Variants in ZBTB20 observed in about 807,000 individuals in gnomAD.
The protein encoded by ZBTB20 is zinc finger and BTB domain-containing protein 20.
ZBTB20 carries 9 observed loss-of-function variants against 56.9 expected under a neutral mutation model. That is an observed-to-expected ratio of 0.16 (90% confidence interval 0.10 to 0.28). The LOEUF (loss-of-function observed/expected upper bound fraction) is 0.28. Among genes scored for constraint, ZBTB20 ranks in the 10% least tolerant of loss-of-function variants. The pLI, the probability that ZBTB20 is intolerant of heterozygous loss-of-function variation, is 1.00. For synonymous variants in ZBTB20, 417 were observed against 420.7 expected, an observed-to-expected ratio of 0.99 and a Z score of 0.11; for missense variants, 655 against 1,003.0, an observed-to-expected ratio of 0.65 and a Z score of 4.69.
At chr3:114,918,278 G>C (rs1205353652) in intron 3 of ZBTB20, among the ~76,000 whole-genome samples, 2 of 152,042 alleles carry the variant, frequency 1.3e-5, no homozygotes, top group Non-Finnish European at 2.9e-5. Flanking sequence ...CTCTAGCCTA[G>C]GGAAACTCCC....
At chr3:114,724,533 C>A (rs552860007) in intron 5 of ZBTB20, among the ~76,000 whole-genome samples, 4 of 152,316 alleles carry the variant, frequency 2.6e-5, no homozygotes, top group Admixed American at 2.0e-4. Flanking sequence ...TAGGGTCAAA[C>A]TGAATTCAAC....
chr3:114,897,402 G>T (rs1029595925), intron 4 of ZBTB20, among the ~76,000 whole-genome samples: 2 of 151,972 alleles, frequency 1.3e-5, no homozygotes, highest in Non-Finnish European at 2.9e-5. Context: ...GGGGAAAAAA[G>T]AAATTATATC....
intron 4 of ZBTB20, among the ~76,000 whole-genome samples, chr3:114,838,482 C>T (rs942221636): frequency 6.6e-6 from 1 of 152,044 alleles, no homozygotes; most frequent in Non-Finnish European, 1.5e-5. Flanking sequence ...GCAATCTCCA[C>T]AATCATGAGG....
chr3:114,854,361 C>A (rs1433059283), intron 4 of ZBTB20, among the ~76,000 whole-genome samples: 1 of 152,102 alleles, frequency 6.6e-6, no homozygotes, highest in Non-Finnish European at 1.5e-5. Context: ...TTTCATGATT[C>A]TTTTGTGTGT....
chr3:114,594,174 G>A (rs2056088225), intron 6 of ZBTB20, among the ~76,000 whole-genome samples: 1 of 151,630 alleles, frequency 6.6e-6, no homozygotes, highest in African/African-American at 2.4e-5. Flanking sequence ...AGTATTAATT[G>A]AAAAGAGATG....
intron 6 of ZBTB20, among the ~76,000 whole-genome samples, chr3:114,558,781 T>G (rs1388478639): frequency 6.6e-6 from 1 of 152,152 alleles, no homozygotes; most frequent in Non-Finnish European, 1.5e-5. Flanking sequence ...ACAGCCTATA[T>G]AGTCTGGTTC....
intron 5 of ZBTB20, among the ~76,000 whole-genome samples, chr3:114,720,903 A>T (rs1003556591): frequency 2.0e-5 from 3 of 152,202 alleles, no homozygotes. Flanking sequence ...GGGTTTAGAG[A>T]GAAAATCATC....
At chr3:114,684,293 G>A (rs2062181079) in intron 6 of ZBTB20, among the ~76,000 whole-genome samples, 1 of 152,152 alleles carries the variant, frequency 6.6e-6, no homozygotes, top group African/African-American at 2.4e-5. Context: ...TTCCCAAAAT[G>A]CTGACGCATT....
chr3:115,035,089 A>C (rs1056648801), intron 2 of ZBTB20, among the ~76,000 whole-genome samples: 11 of 152,118 alleles, frequency 7.2e-5, no homozygotes, highest in Non-Finnish European at 1.0e-4. Context: ...TATAAGCTTT[A>C]AATATAAGAT....
At chr3:114,557,896 T>C (rs1231493977) in intron 6 of ZBTB20, among the ~76,000 whole-genome samples, 6 of 152,060 alleles carry the variant, frequency 3.9e-5, no homozygotes, top group Non-Finnish European at 7.4e-5. Flanking sequence ...TTTATTATGA[T>C]TTACCATTTA....
intron 5 of ZBTB20, among the ~76,000 whole-genome samples, chr3:114,729,134 G>A (rs551908808): frequency 1.3e-5 from 2 of 152,026 alleles, no homozygotes; most frequent in East Asian, 1.9e-4. Context: ...GAGACAACAC[G>A]GTCCCATTTG....
intron 2 of ZBTB20, among the ~76,000 whole-genome samples, chr3:115,066,822 G>T (rs757347134): frequency 7.2e-5 from 11 of 152,004 alleles, no homozygotes; most frequent in African/African-American, 2.7e-4. Context: ...AATGCCAAAT[G>T]TCCCTTCCCC....
At chr3:114,536,625 T>C (rs1414799209) in intron 6 of ZBTB20, among the ~76,000 whole-genome samples, 1 of 152,106 alleles carries the variant, frequency 6.6e-6, no homozygotes, top group African/African-American at 2.4e-5. Context: ...CTTCACAGAA[T>C]TAGAAAAAAA....
intron 7 of ZBTB20, among the ~76,000 whole-genome samples, chr3:114,389,618 G>A (rs1048367630): frequency 1.3e-5 from 2 of 151,962 alleles, no homozygotes; most frequent in South Asian, 2.1e-4. Flanking sequence ...GGCTGGGTGT[G>A]CTGGCTCACA....
At chr3:114,953,169 G>C (rs1211051092) in intron 3 of ZBTB20, among the ~76,000 whole-genome samples, 2 of 151,834 alleles carry the variant, frequency 1.3e-5, no homozygotes, top group African/African-American at 4.8e-5. Flanking sequence ...AGTATAAAAA[G>C]ATATGTATAT....
At chr3:114,981,064 G>A (rs2108087077) in intron 2 of ZBTB20, among the ~76,000 whole-genome samples, 1 of 152,008 alleles carries the variant, frequency 6.6e-6, no homozygotes, top group East Asian at 1.9e-4. Context: ...GAAGTCAGAA[G>A]GGCCTCTGGG....
chr3:114,581,280 T>C (rs367747191), intron 6 of ZBTB20, among the ~76,000 whole-genome samples: 2 of 151,880 alleles, frequency 1.3e-5, no homozygotes, highest in Non-Finnish European at 2.9e-5. Context: ...TCCAGAAGGA[T>C]TAGAGATCTA....
chr3:114,906,964 A>G (rs935092766), intron 3 of ZBTB20, among the ~76,000 whole-genome samples: 2 of 151,864 alleles, frequency 1.3e-5, no homozygotes, highest in Non-Finnish European at 2.9e-5. Flanking sequence ...TCTTCCCCTC[A>G]TATAAATAAA....
At chr3:114,908,481 A>G (rs1241059685) in intron 3 of ZBTB20, among the ~76,000 whole-genome samples, 4 of 152,016 alleles carry the variant, frequency 2.6e-5, no homozygotes, top group Admixed American at 2.0e-4. Context: ...CAACCTCCTA[A>G]TAGATCTGGA....
Sources: allele counts gnomAD v4.1 joint callset (sites outside exome capture counted in the v4.1 genomes callset), GRCh38; gene constraint gnomAD v4.1.1; transcripts MANE v1.5; gene names NCBI Gene and HGNC (gene_info 2026-07-23, HGNC 2026-07-21).